The following ERICH1 variants were observed in gnomAD, a reference collection of about 807,000 sequenced individuals.
The protein encoded by ERICH1 is glutamate rich 1.
In ERICH1, 56 loss-of-function variants were observed where a neutral mutation model predicts 39.6. That is an observed-to-expected ratio of 1.41 (90% CI 1.14 to 1.77). The LOEUF (loss-of-function observed/expected upper bound fraction) is 1.77, where lower values mean the gene tolerates loss of function less well. Ranked by LOEUF, ERICH1 falls within the 40% of genes most tolerant of loss-of-function variation. ERICH1 has a pLI of 0.00. For missense variants in ERICH1, 826 were observed against 575.4 expected (o/e 1.44, Z -4.45); for synonymous variants, 313 against 223.6 (o/e 1.40, Z -3.57).
intron 3 of ERICH1, among the ~76,000 whole-genome samples, chr8:619,293 C>T (rs527763229): frequency 7.9e-5 from 12 of 152,130 alleles, no homozygotes; most frequent in African/African-American, 1.4e-4. Flanking sequence ...AGACCCACCG[C>T]GCACGAGGGG....
At chr8:625,947 T>C (rs76187295) in intron 3 of ERICH1, 13 of 152,388 alleles carry the variant, frequency 8.5e-5, no homozygotes, top group Non-Finnish European at 1.9e-4. Flanking sequence ...GTAAAATTGT[T>C]TAAAGAAGTT....
chr8:655,117 C>T (rs574012110), intron 3 of ERICH1, among the ~76,000 whole-genome samples: 8 of 152,200 alleles, frequency 5.3e-5, no homozygotes, highest in Admixed American at 2.6e-4. Context: ...AGATGCACGA[C>T]GGGACCTCAG....
intron 3 of ERICH1, among the ~76,000 whole-genome samples, chr8:620,229 T>C (rs1343047581): frequency 2.0e-5 from 3 of 152,130 alleles, no homozygotes; most frequent in Non-Finnish European, 4.4e-5. Flanking sequence ...GGAGAATCAC[T>C]TGAATCCAGG....
intron 3 of ERICH1, chr8:616,138 A>G (rs1796888320): frequency 5.8e-6 from 1 of 173,286 alleles, no homozygotes; most frequent in Non-Finnish European, 1.2e-5. Flanking sequence ...TTTTCTCTGT[A>G]ATGATAAGTT....
At chr8:703,051 C>T (rs1357662300) in intron 2 of ERICH1, among the ~76,000 whole-genome samples, 1 of 152,250 alleles carries the variant, frequency 6.6e-6, no homozygotes, top group Admixed American at 6.5e-5. Context: ...GAGCTTTCAC[C>T]TCCAGGAGCT....
intron 2 of ERICH1, among the ~76,000 whole-genome samples, chr8:713,931 C>T (rs896038657): frequency 6.6e-6 from 1 of 152,116 alleles, no homozygotes; most frequent in African/African-American, 2.4e-5. Context: ...ACCGAATGGA[C>T]CCGCCCACAT....
chr8:634,292 C>T (rs1336039152), intron 3 of ERICH1, among the ~76,000 whole-genome samples: 1 of 152,128 alleles, frequency 6.6e-6, no homozygotes, highest in Non-Finnish European at 1.5e-5. Context: ...GTGCTCACCT[C>T]ACCCGTTGGG....
chr8:665,472 C>G (rs991401500), intron 5 of ERICH1, among the ~76,000 whole-genome samples: 1 of 152,228 alleles, frequency 6.6e-6, no homozygotes, highest in Non-Finnish European at 1.5e-5. Flanking sequence ...GAGAGCCAAG[C>G]CACAGACAAC....
At chr8:625,809 T>G (rs983877351) in intron 3 of ERICH1, 2 of 152,226 alleles carry the variant, frequency 1.3e-5, no homozygotes, top group Non-Finnish European at 2.9e-5. Context: ...GGCAATGATG[T>G]ATGTGTGGAG....
intron 3 of ERICH1, among the ~76,000 whole-genome samples, chr8:678,486 G>C (rs1223001518): frequency 6.6e-6 from 1 of 152,166 alleles, no homozygotes; most frequent in Non-Finnish European, 1.5e-5. Flanking sequence ...AATGAGTCTA[G>C]TTAAAAATAA....
At chr8:685,893 C>G (rs942566045) in intron 3 of ERICH1, among the ~76,000 whole-genome samples, 2 of 151,586 alleles carry the variant, frequency 1.3e-5, no homozygotes, top group African/African-American at 2.4e-5. Flanking sequence ...GCCTGTAATT[C>G]CAGCAATTTG....
intron 3 of ERICH1, among the ~76,000 whole-genome samples, chr8:617,367 G>T (rs919700414): frequency 1.2e-4 from 18 of 152,146 alleles, no homozygotes. Flanking sequence ...ATGGCTCCAT[G>T]CCTGCCTCAC....
At chr8:718,095 G>C (rs553567314) in intron 1 of ERICH1, among the ~76,000 whole-genome samples, 82 of 151,694 alleles carry the variant, frequency 5.4e-4, no homozygotes, top group African/African-American at 1.8e-3. Flanking sequence ...AACACACCAG[G>C]GTACAGATTG....
At chr8:717,499 A>G (rs1816280769) in intron 1 of ERICH1, among the ~76,000 whole-genome samples, 1 of 152,240 alleles carries the variant, frequency 6.6e-6, no homozygotes, top group Non-Finnish European at 1.5e-5. Flanking sequence ...GACTTCAGAT[A>G]AAAATCCAAT....
At chr8:701,770 A>G (rs1219212167) in intron 2 of ERICH1, among the ~76,000 whole-genome samples, 1 of 152,224 alleles carries the variant, frequency 6.6e-6, no homozygotes, top group Non-Finnish European at 1.5e-5. Context: ...ATCAACTTCT[A>G]AACAATGGAA....
intron 3 of ERICH1, among the ~76,000 whole-genome samples, chr8:619,928 C>T (rs913492178): frequency 4.6e-5 from 7 of 152,012 alleles, no homozygotes; most frequent in African/African-American, 9.7e-5. Flanking sequence ...GTAAAAATGT[C>T]ATTTAAGGAA....
At chr8:685,997 A>G (rs1328549554) in intron 3 of ERICH1, among the ~76,000 whole-genome samples, 1 of 151,434 alleles carries the variant, frequency 6.6e-6, no homozygotes, top group Non-Finnish European at 1.5e-5. Context: ...AATACCAAAA[A>G]AAAAAAAAAA....
At chr8:677,873 C>G (rs1175835018) in intron 3 of ERICH1, among the ~76,000 whole-genome samples, 1 of 152,178 alleles carries the variant, frequency 6.6e-6, no homozygotes, top group Non-Finnish European at 1.5e-5. Flanking sequence ...CTCATCACCC[C>G]CCAGGCTCCT....
rs371850021 is a variant in ERICH1 at position 619,263 on chromosome 8, C to T, written c.977-3979G>A. Among the ~76,000 whole-genome samples, 47 of 152,270 alleles carry T rather than the reference C, an allele frequency of 3.1e-4. 1 individual carries two copies. Among genetic ancestry groups the T allele is most frequent in the Middle Eastern group, 6.8e-3 (2 of 294 alleles). ...AACAGAAAGGGCACGTGACCCATCG[C>T]GCACAAGGAGGCCCCGGTGAGACCC... On this transcript the variant is annotated intron_variant, in intron 3 of 3. Coordinates refer to the ERICH1 transcript ENST00000522706.
Sources: allele counts gnomAD v4.1 joint callset (sites outside exome capture counted in the v4.1 genomes callset), GRCh38; gene constraint gnomAD v4.1.1; transcripts MANE v1.5; gene names NCBI Gene and HGNC (gene_info 2026-07-23, HGNC 2026-07-21).